Variants in OR9Q1 observed in about 807,000 individuals in gnomAD.
The protein encoded by OR9Q1 is olfactory receptor family 9 subfamily Q member 1.
For synonymous variants in OR9Q1, 153 were observed against 148.6 expected, an observed-to-expected ratio of 1.03 and a Z score of -0.22; for missense variants, 374 against 378.8, an observed-to-expected ratio of 0.99 and a Z score of 0.11.
At chr11:58,142,784 A>G (rs919716559) in intron 2 of OR9Q1, among the ~76,000 whole-genome samples, 5 of 152,212 alleles carry the variant, frequency 3.3e-5, no homozygotes, top group African/African-American at 4.8e-5. Flanking sequence ...TTAGAATTCA[A>G]AACTCAGTGT....
rs558085764 is a variant in OR9Q1, at chr11:58,161,437, C to T, written c.-14-17994C>T. ...ACAGAAAATACTGCCTGAATTCTCA[C>T]GGGATTTCCAGTGGGAAATCTTCAG... is the stretch of plus-strand genomic sequence containing the variant. On this transcript the variant is annotated intron_variant, in intron 2 of 2. Coordinates refer to ENST00000335397, the MANE Select transcript of OR9Q1 (RefSeq NM_001005212.4). Among the ~76,000 whole-genome samples the T allele has an allele frequency of 1.4e-4, 22 of 152,138 alleles. No homozygotes were observed. The South Asian group carries it at 2.3e-3, about 16-fold the overall frequency.
At position 58,023,919 on chromosome 11, in the gene OR9Q1, A is replaced by T. The variant is rs1370143163; in HGVS notation, c.-278A>T. 1 of 152,210 alleles carries T rather than the reference A, an allele frequency of 6.6e-6. No individual in the cohort carries two copies. The highest frequency in any genetic ancestry group is 1.5e-5 in the Non-Finnish European group (1 of 68,068). 9.4% of individuals were successfully genotyped at this position (152,210 alleles called of 1,614,324 possible). A position where few individuals can be genotyped will look rare whatever the true frequency, so the allele number is the denominator to read the frequency against. On this transcript the variant is annotated 5_prime_UTR_variant, in exon 1 of 3. The change abolishes an upstream ATG in the 5' untranslated region. Coordinates refer to ENST00000335397, the MANE Select transcript of OR9Q1 (RefSeq NM_001005212.4). ...CAGGGAATTGAAGAAGTGCAGGAGGATGCCACACAGAGATGGTAGAGGGAG... is the reference window on the plus strand; with the variant it reads ...CAGGGAATTGAAGAAGTGCAGGAGGTTGCCACACAGAGATGGTAGAGGGAG...
At chr11:58,128,583 A>G (rs1245899839) in intron 2 of OR9Q1, among the ~76,000 whole-genome samples, 1 of 152,190 alleles carries the variant, frequency 6.6e-6, no homozygotes, top group Non-Finnish European at 1.5e-5. Context: ...TAAAGAAAAT[A>G]TAAGTGAATC....
intron 2 of OR9Q1, among the ~76,000 whole-genome samples, chr11:58,102,158 A>G (rs977346692): frequency 1.4e-4 from 22 of 152,220 alleles, no homozygotes; most frequent in African/African-American, 5.3e-4. Context: ...TTTTAATTAG[A>G]TAATTTAATT....
chr11:58,085,816 G>C (rs1853628794), intron 2 of OR9Q1, among the ~76,000 whole-genome samples: 1 of 151,736 alleles, frequency 6.6e-6, no homozygotes, highest in Admixed American at 6.6e-5. Flanking sequence ...ATGGAAGAAT[G>C]GATGGTCAAA....
chr11:58,043,329 C>T (rs765749153), intron 1 of OR9Q1, among the ~76,000 whole-genome samples: 1 of 152,200 alleles, frequency 6.6e-6, no homozygotes, highest in Non-Finnish European at 1.5e-5. Flanking sequence ...TTCATCCAAA[C>T]CTGTGGCTTC....
chr11:58,031,090 C>A, intron 1 of OR9Q1: 2 of 1,614,188 alleles, frequency 1.2e-6, no homozygotes, highest in Non-Finnish European at 1.7e-6. Context: ...AGAATTTGGC[C>A]ATCATTTTAG....
At chr11:58,090,789 G>C (rs1853676707) in intron 2 of OR9Q1, among the ~76,000 whole-genome samples, 1 of 152,004 alleles carries the variant, frequency 6.6e-6, no homozygotes. Context: ...TTTTTCGTTG[G>C]TAGGCTATTA....
chr11:58,180,078 GTGGTGATCT>G lies in OR9Q1; in HGVS notation c.640_648del (p.Ile214_Val216del). On this transcript the variant is annotated inframe_deletion, in exon 3 of 3. Transcript: ENST00000335397. ...CATTTTTGTCATCCCTGCTTCCATG[GTGGTGATCT>G]TGGTGTCCTACCTGTTTATCATCGT... The G allele has an allele frequency of 6.2e-7, 1 of 1,614,158 alleles. No individual in the cohort carries two copies. The highest frequency in any genetic ancestry group is 8.5e-7 in the Non-Finnish European group (1 of 1,180,026).
chr11:58,142,177 T>G (rs1205133685), intron 2 of OR9Q1, among the ~76,000 whole-genome samples: 4 of 152,146 alleles, frequency 2.6e-5, no homozygotes, highest in African/African-American at 7.2e-5. Context: ...CTGCAGCATT[T>G]TTTTCACAGC....
intron 2 of OR9Q1, among the ~76,000 whole-genome samples, chr11:58,128,188 GA>G (rs5792083): frequency 0.22 from 30,711 of 137,816 alleles, 3,747 homozygotes; most frequent in Middle Eastern, 0.4. Flanking sequence ...TATATTAATA[GA>G]AAAAATATTT....
At chr11:58,064,997 C>A (rs757687667) in intron 2 of OR9Q1, among the ~76,000 whole-genome samples, 65 of 151,996 alleles carry the variant, frequency 4.3e-4, no homozygotes, top group Non-Finnish European at 8.5e-4. Flanking sequence ...AGGAGACACA[C>A]AGAGTGACAG....
At chr11:58,121,360 A>C (rs910139136) in intron 2 of OR9Q1, among the ~76,000 whole-genome samples, 1 of 152,088 alleles carries the variant, frequency 6.6e-6, no homozygotes, top group Non-Finnish European at 1.5e-5. Flanking sequence ...TCCTTGGGAG[A>C]GTGTGCATGG....
chr11:58,124,380 T>C (rs1031233), intron 2 of OR9Q1: 58,695 of 152,050 alleles, frequency 0.39, 12,331 homozygotes, highest in East Asian at 0.64. Flanking sequence ...GGAAAAAGAC[T>C]CCTCTAATTC....
chr11:58,089,713 G>T (rs777848033), intron 2 of OR9Q1, among the ~76,000 whole-genome samples: 1 of 151,816 alleles, frequency 6.6e-6, no homozygotes, highest in Non-Finnish European at 1.5e-5. Flanking sequence ...GCTTGATGGG[G>T]ATAGCACTGA....
chr11:58,159,355 T>C (rs1472356978), intron 2 of OR9Q1, among the ~76,000 whole-genome samples: 1 of 152,178 alleles, frequency 6.6e-6, no homozygotes, highest in Non-Finnish European at 1.5e-5. Flanking sequence ...TGCAGGGTTT[T>C]GTAGAGAGCA....
intron 2 of OR9Q1, among the ~76,000 whole-genome samples, chr11:58,175,744 A>G (rs1309630781): frequency 6.6e-6 from 1 of 151,604 alleles, no homozygotes; most frequent in Non-Finnish European, 1.5e-5. Flanking sequence ...AATGTACCAC[A>G]TGGTTCCATT....
intron 1 of OR9Q1, among the ~76,000 whole-genome samples, chr11:58,028,716 C>T (rs1852999963): frequency 2.6e-5 from 4 of 152,104 alleles, no homozygotes; most frequent in Admixed American, 2.0e-4. Flanking sequence ...CATGAAGTGT[C>T]TGGGGCTGCA....
At chr11:58,131,220 AATT>A (rs1226234085) in intron 2 of OR9Q1, among the ~76,000 whole-genome samples, 4 of 152,078 alleles carry the variant, frequency 2.6e-5, no homozygotes, top group African/African-American at 9.7e-5. Flanking sequence ...CAGGGATGTA[AATT>A]ATTCTCAGCT....
Sources: allele counts gnomAD v4.1 joint callset (sites outside exome capture counted in the v4.1 genomes callset), GRCh38; gene constraint gnomAD v4.1.1; transcripts MANE v1.5; gene names NCBI Gene and HGNC (gene_info 2026-07-23, HGNC 2026-07-21).